Variants in SLC20A2 observed in about 807,000 individuals in gnomAD.
SLC20A2 encodes solute carrier family 20 member 2.
Under a neutral mutation model 61.0 loss-of-function variants are expected in SLC20A2, and 30 were observed. That is an observed-to-expected ratio of 0.49 (90% CI 0.37 to 0.67). SLC20A2 has a LOEUF of 0.67. Ranked by LOEUF, SLC20A2 falls within the 30% of genes least tolerant of loss-of-function variation. The pLI, the probability that SLC20A2 is intolerant of heterozygous loss-of-function variation, is 0.00. For synonymous variants in SLC20A2, 351 were observed against 353.3 expected, an observed-to-expected ratio of 0.99 and a Z score of 0.07; for missense variants, 626 against 866.4, an observed-to-expected ratio of 0.72 and a Z score of 3.48.
intron 1 of SLC20A2, among the ~76,000 whole-genome samples, chr8:42,492,903 G>A (rs1303799738): frequency 6.6e-6 from 1 of 152,086 alleles, no homozygotes; most frequent in East Asian, 1.9e-4. Context: ...GGATGGTCTG[G>A]ATCTCCTGAC....
At chr8:42,443,228 T>G (rs1804918712) in intron 6 of SLC20A2, among the ~76,000 whole-genome samples, 1 of 142,092 alleles carries the variant, frequency 7.0e-6, no homozygotes, top group African/African-American at 2.6e-5. Context: ...ACAGTATAAT[T>G]ATTACAGTAC....
chr8:42,427,562 G>A (rs950143094), intron 10 of SLC20A2, among the ~76,000 whole-genome samples: 11 of 152,320 alleles, frequency 7.2e-5, no homozygotes, highest in African/African-American at 2.4e-4. Flanking sequence ...TCAGTAAGTG[G>A]GGGGATTTGT....
At chr8:42,418,826 G>A (rs544047707) in intron 10 of SLC20A2, among the ~76,000 whole-genome samples, 2 of 151,664 alleles carry the variant, frequency 1.3e-5, no homozygotes, top group East Asian at 3.9e-4. Context: ...GTGAAACCCC[G>A]TCTCTACTAA....
At chr8:42,427,167 C>G (rs1198893045) in intron 10 of SLC20A2, among the ~76,000 whole-genome samples, 1 of 152,250 alleles carries the variant, frequency 6.6e-6, no homozygotes, top group African/African-American at 2.4e-5. Flanking sequence ...GTGGGAGCCT[C>G]AGCTGGGCTG....
At chr8:42,486,140 C>CTGTGTGTGTGTGTGTGTGTG (rs59925363) in intron 1 of SLC20A2, among the ~76,000 whole-genome samples, 12 of 148,920 alleles carry the variant, frequency 8.1e-5, no homozygotes, top group African/African-American at 2.7e-4. Flanking sequence ...AGCTCTCTCA[C>CTGTGTGTGTGTGTGTGTGTG]TGTGTGTGTG....
intron 1 of SLC20A2, among the ~76,000 whole-genome samples, chr8:42,474,085 C>A (rs931052451): frequency 6.6e-6 from 1 of 152,050 alleles, no homozygotes; most frequent in Non-Finnish European, 1.5e-5. Context: ...GCAGGAGAAT[C>A]GCTTGAACCT....
intron 1 of SLC20A2, among the ~76,000 whole-genome samples, chr8:42,487,404 C>A (rs1268707351): frequency 6.6e-6 from 1 of 150,616 alleles, no homozygotes; most frequent in Non-Finnish European, 1.5e-5. Flanking sequence ...GTCTCGATCT[C>A]CTGACCTCAT....
At position 42,468,059 on chromosome 8, in the gene SLC20A2, C is replaced by T. The variant is rs537404450; in HGVS notation, c.290-2142G>A. 7.2e-5 allele frequency among the ~76,000 whole-genome samples: 11 copies of T among 151,978 alleles called. No homozygotes were observed. The East Asian group carries it at 1.6e-3, about 21-fold the overall frequency. On this transcript the variant is annotated intron_variant, in intron 2 of 10. Transcript: ENST00000520262. ...CTGGGACTACAGGTGCCCGCTACCA[C>T]GCCCGGCTAATTTTTTGTATTTTTA...
rs1412748814 is a variant in SLC20A2, at chr8:42,451,737, G to A, written c.614-6975C>T. On this transcript the variant is annotated intron_variant, in intron 5 of 10. Coordinates refer to ENST00000520262, the MANE Select transcript of SLC20A2 (RefSeq NM_001257180.2). ...AGGAGGAAGAGATGAAAGAGGAGGAGGAAAAGATGGAGGAGGAGGAGGAAA... is the reference window on the plus strand; with the variant it reads ...AGGAGGAAGAGATGAAAGAGGAGGAAGAAAAGATGGAGGAGGAGGAGGAAA... 2.3e-4 allele frequency among the ~76,000 whole-genome samples: 31 copies of A among 136,088 alleles called. 1 individual carries two copies. The highest frequency in any genetic ancestry group is 4.0e-4 in the Non-Finnish European group (26 of 64,298). The allele number at this position is 136,088 out of a possible 152,430, so 89.3% of individuals were successfully genotyped here.
chr8:42,500,498 G>A (rs1317941106), intron 1 of SLC20A2, among the ~76,000 whole-genome samples: 1 of 152,072 alleles, frequency 6.6e-6, no homozygotes, highest in African/African-American at 2.4e-5. Flanking sequence ...ATTTTTTAAA[G>A]TGCTTCTCTT....
At chr8:42,526,768 A>T (rs775066039) in intron 1 of SLC20A2, among the ~76,000 whole-genome samples, 11 of 152,078 alleles carry the variant, frequency 7.2e-5, no homozygotes, top group Non-Finnish European at 1.3e-4. Flanking sequence ...ATATTGGTTC[A>T]TTAATTTTAG....
chr8:42,430,611 T>C (rs1335170129), intron 8 of SLC20A2, among the ~76,000 whole-genome samples: 1 of 152,192 alleles, frequency 6.6e-6, no homozygotes, highest in South Asian at 2.1e-4. Flanking sequence ...TCTGCCCACC[T>C]TGGCTTCCCA....
intron 1 of SLC20A2, among the ~76,000 whole-genome samples, chr8:42,509,892 G>A (rs887249999): frequency 6.6e-6 from 1 of 152,134 alleles, no homozygotes; most frequent in African/African-American, 2.4e-5. Context: ...GGAAAAATAA[G>A]CACAGGCTTA....
upstream of SLC20A2, among the ~76,000 whole-genome samples, chr8:42,503,870 C>T (rs77588330): frequency 5.7e-3 from 863 of 152,316 alleles, 4 homozygotes; most frequent in Non-Finnish European, 8.6e-3. Flanking sequence ...GAAACATCAA[C>T]TAAATACTGG....
intron 3 of SLC20A2, chr8:42,463,318 C>T (rs1425853388): frequency 5.4e-6 from 2 of 367,978 alleles, no homozygotes; most frequent in African/African-American, 4.2e-5. Context: ...CCACTGACCA[C>T]ACTGCCAATG....
chr8:42,517,595 C>T (rs1441812834), intron 1 of SLC20A2, among the ~76,000 whole-genome samples: 1 of 152,088 alleles, frequency 6.6e-6, no homozygotes, highest in Non-Finnish European at 1.5e-5. Context: ...CCATGTGGTT[C>T]ATGGACCTCC....
intron 2 of SLC20A2, among the ~76,000 whole-genome samples, chr8:42,467,794 C>CCTTA (rs1411529739): frequency 1.4e-4 from 22 of 152,306 alleles, no homozygotes; most frequent in Admixed American, 1.4e-3. Context: ...GCGGACACCT[C>CCTTA]CTTAAGCCTC....
chr8:42,439,695 TC>T, intron 6 of SLC20A2, 42 bp from the exon 7 acceptor site: 1 of 1,369,392 alleles, frequency 7.3e-7, no homozygotes, highest in Non-Finnish European at 1.0e-6. Flanking sequence ...GGAAGAGAGT[TC>T]TTATTATTGA....
At chr8:42,442,839 T>G (rs1355030584) in intron 6 of SLC20A2, among the ~76,000 whole-genome samples, 4 of 152,226 alleles carry the variant, frequency 2.6e-5, no homozygotes, top group Non-Finnish European at 4.4e-5. Context: ...TCATGTATTT[T>G]GGTCTTTTTC....
Sources: gnomAD v4.1 joint callset for allele counts (sites outside exome capture counted in the v4.1 genomes callset) on GRCh38, gnomAD v4.1.1 for gene constraint, MANE v1.5 for transcripts, NCBI Gene and HGNC (gene_info 2026-07-23, HGNC 2026-07-21) for gene names.